The following AGPS variants were observed in gnomAD, a reference collection of about 807,000 sequenced individuals.
AGPS encodes alkylglycerone phosphate synthase, also known as alkyldihydroxyacetonephosphate synthase, peroxisomal.
In AGPS, 26 loss-of-function variants were observed where a neutral mutation model predicts 90.7. That is an observed-to-expected ratio of 0.29 (90% CI 0.21 to 0.40). The LOEUF (loss-of-function observed/expected upper bound fraction) is 0.40. Ranked by LOEUF, AGPS falls within the 10% of genes least tolerant of loss-of-function variation. The pLI is 1.00. For synonymous variants in AGPS, 294 were observed against 285.3 expected (o/e 1.03, Z -0.31); for missense variants, 540 against 816.1 (o/e 0.66, Z 4.12).
intron 1 of AGPS, among the ~76,000 whole-genome samples, chr2:177,416,830 G>A (rs1265532317): frequency 6.6e-6 from 1 of 151,956 alleles, no homozygotes; most frequent in Non-Finnish European, 1.5e-5. Flanking sequence ...TGCCTGGCCC[G>A]GTCTTGTTTT....
intron 2 of AGPS, among the ~76,000 whole-genome samples, chr2:177,431,441 A>G (rs1686239599): frequency 1.3e-5 from 2 of 152,176 alleles, no homozygotes. Flanking sequence ...GTTCGAGAGC[A>G]GAGAACCGGT....
intron 1 of AGPS, among the ~76,000 whole-genome samples, chr2:177,397,221 G>A (rs1685206381): frequency 1.3e-5 from 2 of 152,198 alleles, no homozygotes; most frequent in South Asian, 4.1e-4. Flanking sequence ...ACAGGCATGA[G>A]CCACCACGTC....
chr2:177,438,980 C>G (rs1686507697), intron 5 of AGPS, among the ~76,000 whole-genome samples: 1 of 49,168 alleles, frequency 2.0e-5, no homozygotes, highest in Non-Finnish European at 4.2e-5. Flanking sequence ...CTCATTCTTG[C>G]AATACACACA....
chr2:177,485,874 G>A (rs1333739091), intron 11 of AGPS, among the ~76,000 whole-genome samples: 1 of 152,118 alleles, frequency 6.6e-6, no homozygotes, highest in Non-Finnish European at 1.5e-5. Context: ...TCGTGATCGT[G>A]CCACTGTACT....
At position 177,540,768 on chromosome 2, in the gene AGPS, TG is replaced by T. The variant is rs1177740090; in HGVS notation, c.*2575del. The T allele has an allele frequency of 6.6e-6, 1 of 152,118 alleles. No individual in the cohort carries two copies. The highest frequency in any genetic ancestry group is 1.5e-5 in the Non-Finnish European group (1 of 67,978). The allele number at this position is 152,118 out of a possible 1,614,324, so 9.4% of individuals were successfully genotyped here. ...ATAGTTGCAATAATTTACTTAAATT[TG>T]GTAATGTCACATTTGGGTTGGGGTT... is the stretch of plus-strand genomic sequence containing the variant. On this transcript the variant is annotated 3_prime_UTR_variant, in exon 20 of 20. Transcript: ENST00000264167.
At chr2:177,526,699 T>C (rs953658153) in intron 19 of AGPS, among the ~76,000 whole-genome samples, 9 of 152,188 alleles carry the variant, frequency 5.9e-5, no homozygotes, top group African/African-American at 2.2e-4. Context: ...GATTATATTA[T>C]TGCTACTTTA....
At chr2:177,533,474 T>C (rs1465709386) in intron 19 of AGPS, among the ~76,000 whole-genome samples, 2 of 149,450 alleles carry the variant, frequency 1.3e-5, no homozygotes, top group Non-Finnish European at 3.0e-5. Context: ...TCTTACCACA[T>C]GCTGTACCTT....
chr2:177,465,692 G>A lies in AGPS; in HGVS notation c.997-2724G>A, dbSNP rs372999539. ...CATACTGCAAGCAGCTTCCATTGGT[G>A]GCACCAGGGAATGTGGTGGTGCCTG... On this transcript the variant is annotated intron_variant, in intron 9 of 19. Coordinates refer to ENST00000264167, the MANE Select transcript of AGPS (RefSeq NM_003659.4). 6.6e-5 allele frequency among the ~76,000 whole-genome samples: 10 copies of A among 152,334 alleles called. No homozygotes were observed. The East Asian group carries it at 1.7e-3, about 26-fold the overall frequency.
At position 177,540,984 on chromosome 2, in the gene AGPS, A is replaced by G. The variant is rs1161919597; in HGVS notation, c.*2789A>G. Reference sequence around the variant, plus strand: ...GTTTTTAGCTTAGTAAGAATTGTGGAAACCACATGTTTATTGTGCCCATCA... The same window carrying G: ...GTTTTTAGCTTAGTAAGAATTGTGGGAACCACATGTTTATTGTGCCCATCA... On this transcript the variant is annotated 3_prime_UTR_variant, in exon 20 of 20. Coordinates refer to ENST00000264167, the MANE Select transcript of AGPS (RefSeq NM_003659.4). 6.6e-6 allele frequency: 1 copy of G among 152,174 alleles called. No homozygotes were observed. The highest frequency in any genetic ancestry group is 1.5e-5 in the Non-Finnish European group (1 of 67,996). The allele number at this position is 152,174 out of a possible 1,614,324, so 9.4% of individuals were successfully genotyped here.
intron 9 of AGPS, among the ~76,000 whole-genome samples, chr2:177,462,710 T>C (rs182301241): frequency 2.0e-4 from 30 of 152,164 alleles, no homozygotes; most frequent in African/African-American, 6.7e-4. Context: ...ACAAAAAATA[T>C]AGTAGAACAA....
At chr2:177,434,534 T>C (rs1414103817) in intron 3 of AGPS, 117 bp downstream of exon 3, 21 of 797,142 alleles carry the variant, frequency 2.6e-5, no homozygotes, top group Admixed American at 6.8e-5. Flanking sequence ...TGTTTTTTGT[T>C]ATAAAGCCTA....
chr2:177,441,613 T>C (rs1053038138), intron 6 of AGPS: 5 of 153,190 alleles, frequency 3.3e-5, no homozygotes, highest in Admixed American at 2.6e-4. Context: ...CTTTGTAAAA[T>C]TACGCTGAAC....
intron 9 of AGPS, among the ~76,000 whole-genome samples, chr2:177,464,477 G>GA (rs1197152855): frequency 6.6e-6 from 1 of 152,140 alleles, no homozygotes; most frequent in Non-Finnish European, 1.5e-5. Context: ...TTAACTGTTT[G>GA]AAAAAAGTTG....
At chr2:177,467,439 T>C (rs923335041) in intron 9 of AGPS, among the ~76,000 whole-genome samples, 8 of 152,176 alleles carry the variant, frequency 5.3e-5, no homozygotes, top group Non-Finnish European at 8.8e-5. Flanking sequence ...ATCATTTTCT[T>C]TGGGTAAGCT....
chr2:177,461,862 C>A, intron 8 of AGPS, 31 bp from the exon 9 acceptor site: 1 of 1,575,596 alleles, frequency 6.3e-7, no homozygotes, highest in Non-Finnish European at 8.6e-7. Flanking sequence ...GGACCATTTT[C>A]ACTGTAAAAT....
At chr2:177,521,393 CT>C in intron 18 of AGPS, 25 bp downstream of exon 18, 1 of 1,514,312 alleles carries the variant, frequency 6.6e-7, no homozygotes, top group South Asian at 1.1e-5. Context: ...CTGCATATAG[CT>C]TTTACAGCTG....
chr2:177,407,531 G>C (rs1219331383), intron 1 of AGPS, among the ~76,000 whole-genome samples: 2 of 151,972 alleles, frequency 1.3e-5, no homozygotes, highest in Non-Finnish European at 2.9e-5. Context: ...TGTGGGAGGG[G>C]GAAGTGCCAC....
intron 16 of AGPS, among the ~76,000 whole-genome samples, chr2:177,508,348 G>A (rs1400486020): frequency 6.6e-6 from 1 of 152,132 alleles, no homozygotes; most frequent in African/African-American, 2.4e-5. Context: ...ATTCTTAAGT[G>A]ATTAATATTG....
chr2:177,480,499 G>A (rs1457289785), intron 10 of AGPS, among the ~76,000 whole-genome samples: 2 of 152,000 alleles, frequency 1.3e-5, no homozygotes, highest in African/African-American at 4.8e-5. Context: ...AACACCACAT[G>A]TTCTCACTCA....
Sources: gnomAD v4.1 joint callset for allele counts (sites outside exome capture counted in the v4.1 genomes callset) on GRCh38, gnomAD v4.1.1 for gene constraint, MANE v1.5 for transcripts, NCBI Gene and HGNC (gene_info 2026-07-23, HGNC 2026-07-21) for gene names.